Variants in KCNK13 observed in about 807,000 individuals in gnomAD.
KCNK13 encodes the protein potassium channel subfamily K member 13.
Under a neutral mutation model 23.4 loss-of-function variants are expected in KCNK13, and 12 were observed. The observed-to-expected ratio is 0.51, with a 90% confidence interval of 0.33 to 0.83. KCNK13 has a LOEUF of 0.83. KCNK13 is among the 40% of genes least tolerant of loss of function. The pLI is 0.02. For missense variants in KCNK13, 463 were observed against 556.3 expected, an observed-to-expected ratio of 0.83 and a Z score of 1.69; for synonymous variants, 231 against 229.5, an observed-to-expected ratio of 1.01 and a Z score of -0.06.
chr14:90,163,792 C>T (rs1008945647), intron 1 of KCNK13, among the ~76,000 whole-genome samples: 4 of 152,156 alleles, frequency 2.6e-5, no homozygotes, highest in East Asian at 1.9e-4. Context: ...TGGGTTCAAG[C>T]GATTCTCCTC....
chr14:90,097,458 C>T (rs1889424969), intron 1 of KCNK13, among the ~76,000 whole-genome samples: 1 of 152,150 alleles, frequency 6.6e-6, no homozygotes, highest in Non-Finnish European at 1.5e-5. Flanking sequence ...AGAATGACAT[C>T]AAGCCATTCA....
At chr14:90,109,362 G>A (rs1476443519) in intron 1 of KCNK13, among the ~76,000 whole-genome samples, 1 of 151,350 alleles carries the variant, frequency 6.6e-6, no homozygotes, top group East Asian at 1.9e-4. Context: ...TAAATATCCA[G>A]TGAGACATTT....
intron 1 of KCNK13, among the ~76,000 whole-genome samples, chr14:90,143,324 C>T (rs1177041954): frequency 1.3e-5 from 2 of 151,724 alleles, no homozygotes; most frequent in Non-Finnish European, 2.9e-5. Flanking sequence ...CCTCCCTCCT[C>T]AGCCTCCCAA....
intron 1 of KCNK13, among the ~76,000 whole-genome samples, chr14:90,113,116 T>C (rs555396376): frequency 1.1e-4 from 17 of 152,200 alleles, no homozygotes; most frequent in African/African-American, 3.9e-4. Flanking sequence ...GGTTTTGCCA[T>C]ATTGCCCAGG....
rs574113455 is a variant in KCNK13 at position 90,115,767 on chromosome 14, A to T, written c.334+53228A>T. ...CATGGTTTGTCCACCCTGAAAAACC[A>T]CCTGGGGAGCTATAATGTGTTCTTT... is the stretch of plus-strand genomic sequence containing the variant. On this transcript the variant is annotated intron_variant, in intron 1 of 1. Coordinates refer to ENST00000282146, the MANE Select transcript of KCNK13 (RefSeq NM_022054.4). Among the ~76,000 whole-genome samples, 55 of 152,354 alleles carry T rather than the reference A, an allele frequency of 3.6e-4. 1 individual carries two copies. The highest frequency in any genetic ancestry group is 1.2e-3 in the African/African-American group (51 of 41,596).
chr14:90,141,793 T>TC (rs1566644289), intron 1 of KCNK13, among the ~76,000 whole-genome samples: 1 of 17,818 alleles, frequency 5.6e-5, no homozygotes, highest in African/African-American at 1.4e-4. Context: ...GTTTTGTTTT[T>TC]TGGGGGGGGG....
intron 1 of KCNK13, among the ~76,000 whole-genome samples, chr14:90,175,992 A>G (rs972996037): frequency 6.6e-6 from 1 of 152,170 alleles, no homozygotes; most frequent in African/African-American, 2.4e-5. Context: ...TGGAACTAGT[A>G]CAGCATCGCT....
At chr14:90,078,847 C>T (rs1175730566) in intron 1 of KCNK13, among the ~76,000 whole-genome samples, 1 of 152,200 alleles carries the variant, frequency 6.6e-6, no homozygotes, top group Non-Finnish European at 1.5e-5. Flanking sequence ...TTTCAACAAT[C>T]CTATGAGTTA....
At chr14:90,071,603 G>T (rs927607847) in intron 1 of KCNK13, among the ~76,000 whole-genome samples, 3 of 152,172 alleles carry the variant, frequency 2.0e-5, no homozygotes, top group African/African-American at 7.2e-5. Flanking sequence ...GGACAGTCCT[G>T]GTAGTTGACC....
chr14:90,143,262 C>T (rs1890036315), intron 1 of KCNK13, among the ~76,000 whole-genome samples: 2 of 146,880 alleles, frequency 1.4e-5, no homozygotes, highest in African/African-American at 5.1e-5. Flanking sequence ...AGCTGAAATG[C>T]GGTAGCGTGA....
At chr14:90,102,651 C>T (rs542966929) in intron 1 of KCNK13, among the ~76,000 whole-genome samples, 13 of 152,264 alleles carry the variant, frequency 8.5e-5, no homozygotes, top group East Asian at 1.9e-4. Flanking sequence ...AGTGCTTTTC[C>T]GCAGAGCTTC....
chr14:90,080,847 C>T (rs1283524803), intron 1 of KCNK13, among the ~76,000 whole-genome samples: 1 of 152,202 alleles, frequency 6.6e-6, no homozygotes, highest in African/African-American at 2.4e-5. Context: ...AGCAAGGTTT[C>T]TCCACCTCAA....
intron 1 of KCNK13, among the ~76,000 whole-genome samples, chr14:90,129,025 C>G (rs1889836793): frequency 6.6e-6 from 1 of 152,076 alleles, no homozygotes; most frequent in Non-Finnish European, 1.5e-5. Flanking sequence ...AAAATTTATA[C>G]TTTTATCACA....
intron 1 of KCNK13, among the ~76,000 whole-genome samples, chr14:90,177,549 G>T (rs1026482903): frequency 6.6e-6 from 1 of 152,116 alleles, no homozygotes; most frequent in Admixed American, 6.6e-5. Context: ...ATTGGTTTTC[G>T]GAGTATGCAT....
intron 1 of KCNK13, among the ~76,000 whole-genome samples, chr14:90,134,177 C>G (rs1372384592): frequency 6.7e-6 from 1 of 149,364 alleles, no homozygotes; most frequent in Non-Finnish European, 1.5e-5. Context: ...GTGCGTGCCT[C>G]TGCACTCCAG....
intron 1 of KCNK13, among the ~76,000 whole-genome samples, chr14:90,071,221 T>C (rs1343442055): frequency 6.6e-6 from 1 of 152,208 alleles, no homozygotes; most frequent in Non-Finnish European, 1.5e-5. Context: ...CAAATAATTC[T>C]TGGGCTCCTT....
chr14:90,072,049 G>A (rs761209326), intron 1 of KCNK13, among the ~76,000 whole-genome samples: 16 of 152,128 alleles, frequency 1.1e-4, no homozygotes, highest in Non-Finnish European at 1.5e-4. Flanking sequence ...TGCCGAGGAC[G>A]GTGGGGAAAA....
intron 1 of KCNK13, among the ~76,000 whole-genome samples, chr14:90,110,348 C>T (rs1034897506): frequency 6.6e-6 from 1 of 151,974 alleles, no homozygotes; most frequent in Non-Finnish European, 1.5e-5. Context: ...CCCGTCTCTA[C>T]TAAAAATACA....
At chr14:90,143,144 A>AAACT (rs200182772) in intron 1 of KCNK13, among the ~76,000 whole-genome samples, 564 of 51,464 alleles carry the variant, frequency 0.011, 6 homozygotes, top group African/African-American at 0.028. Flanking sequence ...AGAAGAGCAG[A>AAACT]AACTTTCTTT....
Sources: gnomAD v4.1 joint callset for allele counts (sites outside exome capture counted in the v4.1 genomes callset) on GRCh38, gnomAD v4.1.1 for gene constraint, MANE v1.5 for transcripts, NCBI Gene and HGNC (gene_info 2026-07-23, HGNC 2026-07-21) for gene names.